The following ATP6V1B1 variants were observed in gnomAD, a reference collection of about 807,000 sequenced individuals.
ATP6V1B1 encodes V-type proton ATPase subunit B, kidney isoform.
A neutral mutation model predicts 62.1 loss-of-function variants in ATP6V1B1; 41 were observed. That is an observed-to-expected ratio of 0.66 (90% CI 0.51 to 0.86). ATP6V1B1 has a LOEUF of 0.86. Among genes scored for constraint, ATP6V1B1 ranks in the 40% least tolerant of loss-of-function variants. ATP6V1B1 has a pLI of 0.00. For missense variants in ATP6V1B1, 651 were observed against 697.5 expected (o/e 0.93, Z 0.75); for synonymous variants, 253 against 273.4 (o/e 0.93, Z 0.74).
At chr2:70,945,280 A>G (rs1438291113) in intron 2 of ATP6V1B1, among the ~76,000 whole-genome samples, 4 of 152,212 alleles carry the variant, frequency 2.6e-5, no homozygotes, top group African/African-American at 9.6e-5. Context: ...ATGGTAACAA[A>G]GTCACAGGTA....
intron 1 of ATP6V1B1, among the ~76,000 whole-genome samples, chr2:70,936,667 G>A (rs541597763): frequency 5.0e-4 from 76 of 152,280 alleles, no homozygotes; most frequent in Non-Finnish European, 9.8e-4. Context: ...ATGTGTGACT[G>A]CATGCTTATG....
intron 1 of ATP6V1B1, chr2:70,939,321 T>C (rs1572905224): frequency 6.6e-6 from 1 of 152,104 alleles, no homozygotes; most frequent in Non-Finnish European, 1.5e-5. Context: ...CTGGAGGGAG[T>C]GTCTGCAAAG....
At chr2:70,955,661 C>CT (rs1216600839) in intron 2 of ATP6V1B1, among the ~76,000 whole-genome samples, 1 of 151,806 alleles carries the variant, frequency 6.6e-6, no homozygotes, top group Non-Finnish European at 1.5e-5. Context: ...ATCAGTGCTT[C>CT]TTTTTTTTAA....
At chr2:70,937,223 G>A (rs868990413) in intron 1 of ATP6V1B1, among the ~76,000 whole-genome samples, 2 of 152,278 alleles carry the variant, frequency 1.3e-5, no homozygotes, top group Middle Eastern at 3.4e-3. Flanking sequence ...TGAGCCTGAT[G>A]CAGCCACCCC....
Position 70,964,785 on chromosome 2 carries a change from T to G in ATP6V1B1, c.1298T>G (p.Val433Gly). 1.9e-6 allele frequency: 3 copies of G among 1,613,904 alleles called. No homozygotes were observed. The highest frequency in any genetic ancestry group is 1.7e-6 in the Non-Finnish European group (2 of 1,180,004). The change falls in exon 13 of 14, where the codon GTT becomes GGT. Residue 433 changes from valine to glycine, a missense_variant. Coordinates refer to ENST00000234396, the MANE Select transcript of ATP6V1B1 (RefSeq NM_001692.4). Reference protein sequence around the residue: ...GKDVQAMKAVVGEEALTSEDL... With the variant: ...GKDVQAMKAVGGEEALTSEDL... ...GACGTGCAGGCCATGAAGGCAGTAG[T>G]TGGGGAGGAGGCGCTCACCTCTGAG...
At chr2:70,956,874 C>T (rs977039841) in intron 2 of ATP6V1B1, among the ~76,000 whole-genome samples, 1 of 152,126 alleles carries the variant, frequency 6.6e-6, no homozygotes, top group Non-Finnish European at 1.5e-5. Flanking sequence ...CATGAACCAC[C>T]TTGCCTGGCC....
intron 2 of ATP6V1B1, among the ~76,000 whole-genome samples, chr2:70,952,489 C>A (rs1407460932): frequency 6.6e-6 from 1 of 150,416 alleles, no homozygotes; most frequent in Non-Finnish European, 1.5e-5. Context: ...ACACATAAAA[C>A]AGATGCTGAA....
chr2:70,960,976 T>C lies in ATP6V1B1; in HGVS notation c.641T>C (p.Leu214Pro). ...CTGGTGAAGAAGTCCAAGGCTGTGC[T>C]GGATTACCATGACGACAACTTCGCC... is the stretch of plus-strand genomic sequence containing the variant. ...AGLVKKSKAV[L>P]DYHDDNFAIV... Residue 214 changes from leucine (L) to proline (P), a missense_variant, in exon 7 of 14, where the codon CTG becomes CCG. Transcript: ENST00000234396. 6.2e-7 allele frequency: 1 copy of C among 1,606,258 alleles called. No individual in the cohort carries two copies. Among genetic ancestry groups the C allele is most frequent in the Non-Finnish European group, 8.5e-7 (1 of 1,176,370 alleles).
chr2:70,962,839 G>C lies in ATP6V1B1; in HGVS notation c.848G>C (p.Cys283Ser). The change falls in exon 9 of 14, where the codon TGT (cysteine) becomes TCT (serine). Residue 283 changes from cysteine to serine, a missense_variant. Coordinates refer to ENST00000234396, the MANE Select transcript of ATP6V1B1 (RefSeq NM_001692.4). ...ACTGCTGAATTCCTTGCCTACCAGT[G>C]TGAGAAGCATGTGCTGGTCATACTG... ...LTTAEFLAYQ[C>S]EKHVLVILTD... is the part of the protein sequence containing the mutation. 1 of 1,614,210 alleles carries C rather than the reference G, an allele frequency of 6.2e-7. No individual in the cohort carries two copies. The highest frequency in any genetic ancestry group is 8.5e-7 in the Non-Finnish European group (1 of 1,180,026).
At chr2:70,957,250 A>T (rs1355418909) in intron 2 of ATP6V1B1, among the ~76,000 whole-genome samples, 2 of 144,842 alleles carry the variant, frequency 1.4e-5, no homozygotes, top group African/African-American at 5.1e-5. Context: ...CACACCTGGC[A>T]ATATATATAT....
rs553522790 is a variant in ATP6V1B1, at chr2:70,963,017, ATGAGTTCCAG to A, written c.909+118_909+127del. The A allele has an allele frequency of 1.3e-5, 20 of 1,598,900 alleles. No homozygotes were observed. In the East Asian group the frequency reaches 4.0e-4, roughly 32 times the overall value. On this transcript the variant is annotated intron_variant, in intron 9 of 13. Coordinates refer to ENST00000234396, the MANE Select transcript of ATP6V1B1 (RefSeq NM_001692.4). This position sits in a 1 kb window ranked among gnomAD's most constrained non-coding sequence, Gnocchi z 4.3. ...GTCCACCCAAGCCTGCCCCACTCCC[ATGAGTTCCAG>A]GGCTTGGTCTCAGCCTGGCCATTCC...
Position 70,963,447 on chromosome 2 carries a change from T to A in ATP6V1B1, c.1061-125T>A. 6.6e-7 allele frequency: 1 copy of A among 1,523,254 alleles called. No homozygotes were observed. Among genetic ancestry groups the A allele is most frequent in the Middle Eastern group, 1.7e-4 (1 of 5,866 alleles). 94.4% of individuals were successfully genotyped at this position (1,523,254 alleles called of 1,614,324 possible). Reference sequence around the variant, plus strand: ...CTCCATCGAGATAGACACTGCCCTTTCCTCCACCATCCATGCCCCCCACAC... The same window carrying A: ...CTCCATCGAGATAGACACTGCCCTTACCTCCACCATCCATGCCCCCCACAC... On this transcript the variant is annotated intron_variant, in intron 10 of 13. Transcript: ENST00000234396. The surrounding 1 kb of genome is among the most constrained non-coding windows in gnomAD (Gnocchi z 4.3).
rs1236120006 is a variant in ATP6V1B1 at position 70,944,619 on chromosome 2, C to T, written c.174+906C>T. Among the ~76,000 whole-genome samples, 14 of 152,018 alleles carry T rather than the reference C, an allele frequency of 9.2e-5. 1 individual carries two copies. The highest frequency in any genetic ancestry group is 1.2e-4 in the Non-Finnish European group (8 of 67,988). On this transcript the variant is annotated intron_variant, in intron 2 of 13. Coordinates refer to ENST00000234396, the MANE Select transcript of ATP6V1B1 (RefSeq NM_001692.4). ...TCCAGCCCTTCAGACCTGACCCTTG[C>T]ATCAAATTTGCCCAGGGCTCTCCAG...
intron 2 of ATP6V1B1, among the ~76,000 whole-genome samples, chr2:70,948,922 C>T (rs552667563): frequency 1.3e-4 from 20 of 152,286 alleles, no homozygotes; most frequent in Admixed American, 4.6e-4. Flanking sequence ...GGACCCTCCG[C>T]CCCAACCCGC....
chr2:70,951,633 C>T (rs983818974), intron 2 of ATP6V1B1, among the ~76,000 whole-genome samples: 3 of 152,168 alleles, frequency 2.0e-5, no homozygotes, highest in Admixed American at 6.5e-5. Flanking sequence ...CTCGGCCAGG[C>T]GCGGTGGCTC....
At chr2:70,961,269 G>C (rs1205386653) in intron 7 of ATP6V1B1, among the ~76,000 whole-genome samples, 1 of 152,220 alleles carries the variant, frequency 6.6e-6, no homozygotes, top group African/African-American at 2.4e-5. Flanking sequence ...AAAAAAGATA[G>C]CTTCAGGAAC....
At chr2:70,960,868 A>G (rs2104828524) in intron 6 of ATP6V1B1, 53 bp from the exon 7 acceptor site, 1 of 1,490,020 alleles carries the variant, frequency 6.7e-7, no homozygotes, top group Non-Finnish European at 9.1e-7. Flanking sequence ...GCTCAGTGGG[A>G]CAGGGGTCAG....
chr2:70,962,598 T>C (rs1680615860), intron 8 of ATP6V1B1, among the ~76,000 whole-genome samples, 179 bp from the exon 9 acceptor site: 1 of 152,192 alleles, frequency 6.6e-6, no homozygotes, highest in Non-Finnish European at 1.5e-5. Flanking sequence ...TGTTGGAGTC[T>C]GCCTACTCCC....
intron 2 of ATP6V1B1, 169 bp downstream of exon 2, chr2:70,943,882 C>T (rs1213565276): frequency 1.0e-5 from 8 of 787,922 alleles, no homozygotes; most frequent in Non-Finnish European, 1.2e-5. Flanking sequence ...GCTGTATCCC[C>T]AGCCGTCCAA....
Sources: allele counts gnomAD v4.1 joint callset (sites outside exome capture counted in the v4.1 genomes callset), GRCh38; gene constraint gnomAD v4.1.1; non-coding constraint Gnocchi (gnomAD v3.1); transcripts MANE v1.5; gene names NCBI Gene and HGNC (gene_info 2026-07-23, HGNC 2026-07-21).